Variants in MTMR4 observed in about 807,000 individuals in gnomAD.
MTMR4 encodes phosphatidylinositol-3,5-bisphosphate 3-phosphatase MTMR4.
Under a neutral mutation model 125.5 loss-of-function variants are expected in MTMR4, and 30 were observed. That is an observed-to-expected ratio of 0.24 (90% CI 0.18 to 0.32). MTMR4 has a LOEUF of 0.32. Among genes scored for constraint, MTMR4 ranks in the 10% least tolerant of loss-of-function variants. The probability of loss-of-function intolerance (pLI) is 1.00; values close to 1 mark genes in which losing one functional copy is unlikely to be tolerated. For missense variants in MTMR4, 1,039 were observed against 1,511.5 expected (o/e 0.69, Z 5.18); for synonymous variants, 498 against 564.5 (o/e 0.88, Z 1.67).
rs1975461467 is a variant in MTMR4 at position 58,496,147 on chromosome 17, C to T, written c.2037G>A (p.Gly679=). 6.2e-7 allele frequency: 1 copy of T among 1,614,172 alleles called. No individual in the cohort carries two copies. The highest frequency in any genetic ancestry group is 1.3e-5 in the African/African-American group (1 of 75,048). The part of the protein sequence containing the change: ...ETSFVDSGVG[G]PQQTVGEVGL... Reference sequence around the variant, plus strand: ...CCACTTCTCCTACAGTTTGCTGAGGCCCTCCTACCCCAGAGTCCACAAAGC... The same window carrying T: ...CCACTTCTCCTACAGTTTGCTGAGGTCCTCCTACCCCAGAGTCCACAAAGC... Residue 679 remains glycine, a synonymous_variant, in exon 15 of 18, where the codon GGG becomes GGA. Coordinates refer to ENST00000682306, the MANE Select transcript of MTMR4 (RefSeq NM_001378067.1).
At position 58,508,577 on chromosome 17, in the gene MTMR4, C is replaced by T; in HGVS notation, c.497-13G>A. The T allele has an allele frequency of 6.2e-7, 1 of 1,614,204 alleles. No individual in the cohort carries two copies. ...CGTATGTGCTCACCTGCAACAGAGC[C>T]CCCACGATGGTTAGCTTCCCAGAGC... is the stretch of plus-strand genomic sequence containing the variant. On this transcript the variant is annotated splice_polypyrimidine_tract_variant and intron_variant, in intron 5 of 17. Coordinates refer to ENST00000682306, the MANE Select transcript of MTMR4 (RefSeq NM_001378067.1). The surrounding 1 kb of genome is among the most constrained non-coding windows in gnomAD (Gnocchi z 4.8).
Position 58,504,066 on chromosome 17 carries a change from G to A in MTMR4, c.1682C>T (p.Thr561Ile). 1 of 1,567,430 alleles carries A rather than the reference G, an allele frequency of 6.4e-7. No homozygotes were observed. The highest frequency in any genetic ancestry group is 8.6e-7 in the Non-Finnish European group (1 of 1,157,932). The change falls in exon 13 of 18, where the codon ACA (threonine) becomes ATA (isoleucine). Residue 561 changes from threonine to isoleucine, a missense_variant. By Grantham distance (89) the Thr-to-Ile change is moderately conservative. Transcript: ENST00000682306. This position sits in a 1 kb window ranked among gnomAD's most constrained non-coding sequence, Gnocchi z 7.1. The part of the protein sequence containing the change: ...GNKNFHNFLY[T>I]PSSDMVLHPV... ...CAGACTCACCATGTCTGAGCTGGGT[G>A]TGTAGAGGAAGTTATGAAAGTTTTT...
chr17:58,505,777 A>G (rs1022726508), intron 9 of MTMR4, among the ~76,000 whole-genome samples, 194 bp from the exon 10 acceptor site: 2 of 152,166 alleles, frequency 1.3e-5, no homozygotes, highest in African/African-American at 4.8e-5. Flanking sequence ...CCATAGTGGT[A>G]GGCACTTGTA....
chr17:58,504,794 A>G lies in MTMR4; in HGVS notation c.1326T>C (p.Tyr442=), dbSNP rs978875608. The part of the protein sequence containing the change: ...VALAKILLDP[Y]YRTLEGFQVL... ...CTCTCAATACCTCCAACGTCCTGTAATATGGGTCCAGTAATATTTTGGCCA... is the reference window on the plus strand; with the variant it reads ...CTCTCAATACCTCCAACGTCCTGTAGTATGGGTCCAGTAATATTTTGGCCA... Residue 442 remains tyrosine (Y), a synonymous_variant, in exon 11 of 18, where the codon TAT becomes TAC. Coordinates refer to ENST00000682306, the MANE Select transcript of MTMR4 (RefSeq NM_001378067.1). This position sits in a 1 kb window ranked among gnomAD's most constrained non-coding sequence, Gnocchi z 7.1. 69 of 1,606,894 alleles carry G rather than the reference A, an allele frequency of 4.3e-5. No individual in the cohort carries two copies. The highest frequency in any genetic ancestry group is 5.8e-5 in the Non-Finnish European group (68 of 1,176,264).
rs370411252 is a variant in MTMR4, at chr17:58,504,996, G to C, written c.1146-22C>G. 3.2e-6 allele frequency: 5 copies of C among 1,577,974 alleles called. No homozygotes were observed. The African/African-American group carries it at 6.7e-5, about 21-fold the overall frequency. Reference sequence around the variant, plus strand: ...CCAGCTACACAAAAGCAGACATCAAGTCGGTCACAAAGGGTGCTGAGGCCA... The same window carrying C: ...CCAGCTACACAAAAGCAGACATCAACTCGGTCACAAAGGGTGCTGAGGCCA... On this transcript the variant is annotated intron_variant, in intron 10 of 17. Coordinates refer to ENST00000682306, the MANE Select transcript of MTMR4 (RefSeq NM_001378067.1). This position sits in a 1 kb window ranked among gnomAD's most constrained non-coding sequence, Gnocchi z 7.1.
chr17:58,504,035 A>AG lies in MTMR4; in HGVS notation c.1698+14dup. 2.6e-6 allele frequency: 4 copies of AG among 1,533,980 alleles called. No homozygotes were observed. The highest frequency in any genetic ancestry group is 3.5e-6 in the Non-Finnish European group (4 of 1,141,776). ...GTTTCTAAATAGCACCTACAGGAAAAGGGCTCAGACTCACCATGTCTGAGC... is the reference window on the plus strand; with the variant it reads ...GTTTCTAAATAGCACCTACAGGAAAAGGGGCTCAGACTCACCATGTCTGAGC... On this transcript the variant is annotated intron_variant, in intron 13 of 17. Transcript: ENST00000682306. The surrounding 1 kb of genome is among the most constrained non-coding windows in gnomAD (Gnocchi z 7.1).
rs1975733985 is a variant in MTMR4 at position 58,504,786 on chromosome 17, G to A, written c.1334C>T (p.Thr445Met). Reference protein sequence around the residue: ...AKILLDPYYRTLEGFQVLVES... With the variant: ...AKILLDPYYRMLEGFQVLVES... ...CCGAATTCCTCTCAATACCTCCAACGTCCTGTAATATGGGTCCAGTAATAT... is the reference window on the plus strand; with the variant it reads ...CCGAATTCCTCTCAATACCTCCAACATCCTGTAATATGGGTCCAGTAATAT... The change falls in exon 11 of 18, where the codon ACG becomes ATG. Residue 445 changes from threonine (T) to methionine (M), a missense_variant. Around this residue, in one of 6 missense-constraint regions of MTMR4, gnomAD observed 107 missense variants for 267.4 expected, o/e 0.40. Coordinates refer to ENST00000682306, the MANE Select transcript of MTMR4 (RefSeq NM_001378067.1). The surrounding 1 kb of genome is among the most constrained non-coding windows in gnomAD (Gnocchi z 7.1). 5 of 1,602,668 alleles carry A rather than the reference G, an allele frequency of 3.1e-6. No homozygotes were observed. Among genetic ancestry groups the A allele is most frequent in the Non-Finnish European group, 4.3e-6 (5 of 1,173,666 alleles).
In MTMR4 at chr17:58,505,024, G is replaced by A. The variant is rs767140385; in HGVS notation, c.1146-50C>T. 87 of 1,524,952 alleles carry A rather than the reference G, an allele frequency of 5.7e-5. 2 individuals are homozygous for A. In the East Asian group the frequency reaches 2.0e-3, roughly 35 times the overall value. The allele number at this position is 1,524,952 out of a possible 1,614,324, so 94.5% of individuals were successfully genotyped here. ...GGTCACAAAGGGTGCTGAGGCCACA[G>A]CAGTCTCTCCACCATCCACAGCCAG... On this transcript the variant is annotated intron_variant, in intron 10 of 17. Transcript: ENST00000682306.
At position 58,495,688 on chromosome 17, in the gene MTMR4, C is replaced by T. The variant is rs767740282; in HGVS notation, c.2496G>A (p.Pro832=). The change falls in exon 15 of 18, where the codon CCG becomes CCA. Residue 832 remains proline, a synonymous_variant. Coordinates refer to ENST00000682306, the MANE Select transcript of MTMR4 (RefSeq NM_001378067.1). ...DHSLSTVCNP[P]SAACQTPLDP... ...CTAGAGGAGTTTGGCAGGCAGCACTCGGTGGGTTGCAAACGGTGCTGAGGC... is the reference window on the plus strand; with the variant it reads ...CTAGAGGAGTTTGGCAGGCAGCACTTGGTGGGTTGCAAACGGTGCTGAGGC... The T allele has an allele frequency of 5.9e-5, 95 of 1,614,014 alleles. No homozygotes were observed. The highest frequency in any genetic ancestry group is 4.9e-4 in the East Asian group (22 of 44,898).
Position 58,495,231 on chromosome 17 carries a change from G to T in MTMR4, c.2953C>A (p.His985Asn). ...SPVCSSHSNGHCTGPGGKNQM... is the reference protein window; with the variant it reads ...SPVCSSHSNGNCTGPGGKNQM... Reference sequence around the variant, plus strand: ...TTCTTTCCTCCTGGGCCAGTACAATGTCCATTGGAATGACTAGAACAGACA... The same window carrying T: ...TTCTTTCCTCCTGGGCCAGTACAATTTCCATTGGAATGACTAGAACAGACA... The change falls in exon 15 of 18, where the codon CAT becomes AAT. Residue 985 changes from histidine (H) to asparagine (N), a missense_variant. Physicochemically the swap from His to Asn is moderately conservative, Grantham distance 68. Around this residue, in one of 6 missense-constraint regions of MTMR4, gnomAD observed 619 missense variants for 714.5 expected, o/e 0.87. Coordinates refer to ENST00000682306, the MANE Select transcript of MTMR4 (RefSeq NM_001378067.1). The T allele has an allele frequency of 6.2e-7, 1 of 1,614,184 alleles. No individual in the cohort carries two copies. The highest frequency in any genetic ancestry group is 8.5e-7 in the Non-Finnish European group (1 of 1,180,030).
At chr17:58,507,041 C>G in intron 8 of MTMR4, 82 bp downstream of exon 8, 1 of 1,580,986 alleles carries the variant, frequency 6.3e-7, no homozygotes, top group African/African-American at 1.4e-5. Flanking sequence ...TCTTCCCAGA[C>G]TCTCACTGGG....
At position 58,495,869 on chromosome 17, in the gene MTMR4, G is replaced by C; in HGVS notation, c.2315C>G (p.Thr772Arg). The C allele has an allele frequency of 6.2e-7, 1 of 1,614,174 alleles. No homozygotes were observed. The highest frequency in any genetic ancestry group is 8.5e-7 in the Non-Finnish European group (1 of 1,180,030). ...CTTGGAGAGTGCACTGACAGCTTCTGTTTCAGGACAATGTTCAGGTGGCTC... is the reference window on the plus strand; with the variant it reads ...CTTGGAGAGTGCACTGACAGCTTCTCTTTCAGGACAATGTTCAGGTGGCTC... ...IGEPPEHCPE[T>R]EAVSALSKVI... Residue 772 changes from threonine (T) to arginine (R), a missense_variant, in exon 15 of 18, where the codon ACA (threonine) becomes AGA (arginine). Thr to Arg is a moderately conservative substitution (Grantham distance 71). Coordinates refer to ENST00000682306, the MANE Select transcript of MTMR4 (RefSeq NM_001378067.1).
chr17:58,511,579 G>T, intron 3 of MTMR4, 68 bp from the exon 4 acceptor site: 1 of 1,325,492 alleles, frequency 7.5e-7, no homozygotes, highest in East Asian at 2.3e-5. Flanking sequence ...TCACCCTAGC[G>T]TAGGCACTAA....
At chr17:58,503,957 C>G in intron 13 of MTMR4, 59 bp from the exon 14 acceptor site, 1 of 1,575,324 alleles carries the variant, frequency 6.3e-7, no homozygotes, top group Non-Finnish European at 8.6e-7. Context: ...TTTTCTTTCC[C>G]TAAGCCCTTG....
Position 58,508,682 on chromosome 17 carries a change from T to C in MTMR4, c.495A>G (p.Pro165=). 1 of 1,614,078 alleles carries C rather than the reference T, an allele frequency of 6.2e-7. No homozygotes were observed. The highest frequency in any genetic ancestry group is 8.5e-7 in the Non-Finnish European group (1 of 1,179,912). Residue 165 remains proline (P), a splice_region_variant and synonymous_variant, in exon 5 of 18, where the codon CCA becomes CCG. Coordinates refer to ENST00000682306, the MANE Select transcript of MTMR4 (RefSeq NM_001378067.1). The surrounding 1 kb of genome is among the most constrained non-coding windows in gnomAD (Gnocchi z 4.8). ...EEDQHTHLCQ[P]GEHIRCRQEA... ...CCAAAGAAAATAGACTGGCCTCACCTGGCTGACATAGGTGAGTGTGCTGGT... is the reference window on the plus strand; with the variant it reads ...CCAAAGAAAATAGACTGGCCTCACCCGGCTGACATAGGTGAGTGTGCTGGT...
At chr17:58,502,747 C>T (rs747888003) in intron 14 of MTMR4, among the ~76,000 whole-genome samples, 16 of 152,100 alleles carry the variant, frequency 1.1e-4, no homozygotes, top group Admixed American at 2.6e-4. Flanking sequence ...CATATGAAAG[C>T]GTGAGTGTGG....
chr17:58,492,687 G>A (rs1198014722), intron 16 of MTMR4, 88 bp from the exon 17 acceptor site: 1 of 1,407,650 alleles, frequency 7.1e-7, no homozygotes, highest in Non-Finnish European at 1.0e-6. Flanking sequence ...CCAGCAGAAA[G>A]AGACAAGGCT....
At chr17:58,507,965 G>C in intron 7 of MTMR4, 196 bp downstream of exon 7, 1 of 522,686 alleles carries the variant, frequency 1.9e-6, no homozygotes, top group Non-Finnish European at 3.5e-6. Flanking sequence ...TCTAAAAAAA[G>C]GGGGGGAATG....
rs755133845 is a variant in MTMR4 at position 58,511,563 on chromosome 17, T to C, written c.253-52A>G. 1.2e-5 allele frequency: 18 copies of C among 1,462,608 alleles called. No homozygotes were observed. In the Admixed American group the frequency reaches 3.1e-4, roughly 25 times the overall value. 90.6% of individuals were successfully genotyped at this position (1,462,608 alleles called of 1,614,324 possible). ...CAGACTCCCCACTGGGTACCACTCC[T>C]CACCCTCACCCTAGCGTAGGCACTA... On this transcript the variant is annotated intron_variant, in intron 3 of 17. Coordinates refer to ENST00000682306, the MANE Select transcript of MTMR4 (RefSeq NM_001378067.1).
Sources: allele counts gnomAD v4.1 joint callset (sites outside exome capture counted in the v4.1 genomes callset), GRCh38; gene constraint gnomAD v4.1.1; regional missense constraint gnomAD v4.1.1; non-coding constraint Gnocchi (gnomAD v3.1); transcripts MANE v1.5; gene names NCBI Gene and HGNC (gene_info 2026-07-23, HGNC 2026-07-21).